The following HIP1 variants were observed in gnomAD, a reference collection of about 807,000 sequenced individuals.
The protein encoded by HIP1 is huntingtin interacting protein 1.
Under a neutral mutation model 147.6 loss-of-function variants are expected in HIP1, and 65 were observed. That is an observed-to-expected ratio of 0.44 (90% CI 0.36 to 0.54). The LOEUF is 0.54. Ranked by LOEUF, HIP1 falls within the 20% of genes least tolerant of loss-of-function variation. HIP1 has a pLI of 0.00. For missense variants in HIP1, 1,061 were observed against 1,299.6 expected, an observed-to-expected ratio of 0.82 and a Z score of 2.82; for synonymous variants, 479 against 504.0, an observed-to-expected ratio of 0.95 and a Z score of 0.67.
chr7:75,555,945 G>T, intron 18 of HIP1, 81 bp downstream of exon 18: 1 of 1,546,308 alleles, frequency 6.5e-7, no homozygotes, highest in Non-Finnish European at 8.8e-7. Context: ...CAGCCCCGGG[G>T]TCCTCCCAGC....
chr7:75,636,474 G>A (rs10259001), intron 1 of HIP1, among the ~76,000 whole-genome samples: 5,150 of 152,334 alleles, frequency 0.034, 144 homozygotes, highest in East Asian at 0.16. Context: ...CTGAAAGGCT[G>A]CGTTTGAGGT....
intron 14 of HIP1, among the ~76,000 whole-genome samples, chr7:75,558,691 G>A (rs1335301383): frequency 6.6e-6 from 1 of 152,062 alleles, no homozygotes; most frequent in Non-Finnish European, 1.5e-5. Context: ...ACTTCTCCAG[G>A]AAGTCATCTT....
intron 1 of HIP1, 82 bp from the exon 2 acceptor site, chr7:75,599,329 C>G: frequency 9.3e-7 from 1 of 1,075,040 alleles, no homozygotes; most frequent in South Asian, 1.3e-5. Flanking sequence ...CAGATGCCCG[C>G]CCCTTTCTCC....
intron 1 of HIP1, among the ~76,000 whole-genome samples, chr7:75,692,461 C>T (rs1800492376): frequency 6.6e-6 from 1 of 151,582 alleles, no homozygotes; most frequent in Non-Finnish European, 1.5e-5. Flanking sequence ...TGTTCTATCA[C>T]CCAGGCTGGA....
intron 22 of HIP1, 110 bp downstream of exon 22, chr7:75,553,343 G>T: frequency 2.3e-6 from 3 of 1,328,778 alleles, no homozygotes; most frequent in Non-Finnish European, 3.1e-6. Flanking sequence ...CTAGAATCAA[G>T]TTCTAAGTGC....
At position 75,559,844 on chromosome 7, in the gene HIP1, G is replaced by A. The variant is rs781851903; in HGVS notation, c.1263C>T (p.His421=). 1 of 1,612,734 alleles carries A rather than the reference G, an allele frequency of 6.2e-7. No homozygotes were observed. The highest frequency in any genetic ancestry group is 8.5e-7 in the Non-Finnish European group (1 of 1,179,896). The change falls in exon 14 of 31, where the codon CAC becomes CAT. Residue 421 remains histidine, a synonymous_variant. Coordinates refer to ENST00000336926, the MANE Select transcript of HIP1 (RefSeq NM_005338.7). ...ELEADLAEQQ[H]LRQQAADDCE... is the part of the protein sequence containing the mutation. ...AGTCGTCGGCCGCCTGCTGCCGCAG[G>A]TGCTGCTGCTCGGCCAGATCTGCTT...
At chr7:75,736,849 C>T (rs977790178) in intron 1 of HIP1, among the ~76,000 whole-genome samples, 10 of 145,330 alleles carry the variant, frequency 6.9e-5, no homozygotes, top group Non-Finnish European at 1.4e-4. Context: ...TTTTCTTTTT[C>T]TTTTTTTTTT....
At chr7:75,703,602 C>CAA (rs1199276056) in intron 1 of HIP1, among the ~76,000 whole-genome samples, 132 of 127,978 alleles carry the variant, frequency 1.0e-3, no homozygotes, top group African/African-American at 3.6e-3. Context: ...AACTCCGTCT[C>CAA]AAAAAAAAAA....
At chr7:75,669,021 C>A (rs2117239512) in intron 1 of HIP1, among the ~76,000 whole-genome samples, 1 of 150,712 alleles carries the variant, frequency 6.6e-6, no homozygotes, top group Non-Finnish European at 1.5e-5. Flanking sequence ...AGTTGGAGAC[C>A]AGCCTGGCCA....
At chr7:75,616,324 T>C (rs1284478164) in intron 1 of HIP1, among the ~76,000 whole-genome samples, 1 of 151,746 alleles carries the variant, frequency 6.6e-6, no homozygotes, top group African/African-American at 2.4e-5. Flanking sequence ...GGCTGCAGTG[T>C]AGTGGTACGA....
At chr7:75,729,120 A>C (rs1344094967) in intron 1 of HIP1, among the ~76,000 whole-genome samples, 6 of 150,382 alleles carry the variant, frequency 4.0e-5, no homozygotes, top group African/African-American at 4.9e-5. Context: ...AAAAAAAAAA[A>C]CCAAAATTCT....
chr7:75,636,446 ACT>A (rs1798432588), intron 1 of HIP1, among the ~76,000 whole-genome samples: 1 of 152,064 alleles, frequency 6.6e-6, no homozygotes. Flanking sequence ...CTGACATTGG[ACT>A]CTGTCAAGGA....
intron 2 of HIP1, among the ~76,000 whole-genome samples, chr7:75,595,187 C>CCTTTCTTCCTTTCTTT (rs1796645334): frequency 9.2e-6 from 1 of 108,340 alleles, no homozygotes; most frequent in Non-Finnish European, 2.0e-5. Flanking sequence ...GTGTAGGAGT[C>CCTTTCTTCCTTTCTTT]CTTTCTTTCT....
At chr7:75,704,645 T>C (rs782214084) in intron 1 of HIP1, among the ~76,000 whole-genome samples, 1 of 152,216 alleles carries the variant, frequency 6.6e-6, no homozygotes, top group Non-Finnish European at 1.5e-5. Flanking sequence ...TACAGTGGCC[T>C]GATCTCGACT....
At chr7:75,557,261 A>T (rs1795045561) in intron 16 of HIP1, among the ~76,000 whole-genome samples, 1 of 150,706 alleles carries the variant, frequency 6.6e-6, no homozygotes, top group Admixed American at 6.6e-5. Context: ...CTGGTCTCGA[A>T]CTCCTGACTT....
intron 1 of HIP1, among the ~76,000 whole-genome samples, chr7:75,734,500 A>G (rs1554523420): frequency 1.3e-5 from 2 of 152,036 alleles, no homozygotes; most frequent in African/African-American, 4.8e-5. Flanking sequence ...GGGCTGAACT[A>G]CCCACCTAGG....
chr7:75,549,138 G>T, intron 22 of HIP1, 137 bp from the exon 23 acceptor site: 1 of 625,590 alleles, frequency 1.6e-6, no homozygotes, highest in East Asian at 2.7e-5. Context: ...GGTTGTGGGG[G>T]GGTCTTTTGC....
intron 1 of HIP1, among the ~76,000 whole-genome samples, chr7:75,702,875 C>T (rs1236526635): frequency 1.3e-5 from 2 of 152,154 alleles, no homozygotes; most frequent in Non-Finnish European, 2.9e-5. Flanking sequence ...TCATCCCCAC[C>T]CCGCAGGGAT....
chr7:75,706,623 A>ATTTTTTTTTTTTTTTTTTTTTTTTTT (rs71082342), intron 1 of HIP1, among the ~76,000 whole-genome samples: 3 of 103,642 alleles, frequency 2.9e-5, no homozygotes, highest in Non-Finnish European at 5.6e-5. Context: ...TCAACTCGTC[A>ATTTTTTTTTTTTTTTTTTTTTTTTTT]TTTTTTTTTT....
Sources: allele counts gnomAD v4.1 joint callset (sites outside exome capture counted in the v4.1 genomes callset), GRCh38; gene constraint gnomAD v4.1.1; transcripts MANE v1.5; gene names NCBI Gene and HGNC (gene_info 2026-07-23, HGNC 2026-07-21).